Variants in OR1J2 observed in about 807,000 individuals in gnomAD.
The protein encoded by OR1J2 is olfactory receptor 1J2.
For missense variants in OR1J2, 304 were observed against 246.1 expected, an observed-to-expected ratio of 1.24 and a Z score of -1.57; for synonymous variants, 142 against 99.7, an observed-to-expected ratio of 1.42 and a Z score of -2.52.
chr9:122,467,741 A>T, the OR1J2 span, among the ~76,000 whole-genome samples: 4 of 152,228 alleles, frequency 2.6e-5, no homozygotes, highest in African/African-American at 9.6e-5. Flanking sequence ...GAGTACCCTG[A>T]TCCTACCTAC....
chr9:122,557,937 G>T, the OR1J2 span, among the ~76,000 whole-genome samples: 1 of 152,014 alleles, frequency 6.6e-6, no homozygotes, highest in African/African-American at 2.4e-5. Flanking sequence ...GGGTTTTAGT[G>T]GATTGTGGCT....
chr9:122,452,334 T>C, the OR1J2 span, among the ~76,000 whole-genome samples: 2 of 152,152 alleles, frequency 1.3e-5, no homozygotes, highest in Non-Finnish European at 2.9e-5. Flanking sequence ...CTTTCAACTT[T>C]TTGACACTGT....
the OR1J2 span, among the ~76,000 whole-genome samples, chr9:122,525,109 C>T: frequency 9.2e-5 from 14 of 152,228 alleles, no homozygotes; most frequent in South Asian, 2.1e-3. Flanking sequence ...GGTTACATGA[C>T]GATGCCCTGC....
At chr9:122,558,016 T>C in the OR1J2 span, among the ~76,000 whole-genome samples, 1 of 151,944 alleles carries the variant, frequency 6.6e-6, no homozygotes, top group Non-Finnish European at 1.5e-5. Flanking sequence ...TGGTATTCCT[T>C]TATTATCCTT....
the OR1J2 span, among the ~76,000 whole-genome samples, chr9:122,530,702 G>T: frequency 2.6e-5 from 4 of 152,188 alleles, no homozygotes; most frequent in South Asian, 8.3e-4. Context: ...AGTCCGAAAA[G>T]AGAGTCAGCG....
At chr9:122,564,171 A>G in the OR1J2 span, among the ~76,000 whole-genome samples, 1 of 152,104 alleles carries the variant, frequency 6.6e-6, no homozygotes, top group Admixed American at 6.5e-5. Flanking sequence ...GTTGCCCTCT[A>G]GTTAGAGTAG....
At chr9:122,473,947 C>T in the OR1J2 span, among the ~76,000 whole-genome samples, 39,111 of 152,020 alleles carry the variant, frequency 0.26, 5,689 homozygotes, top group African/African-American at 0.39. Flanking sequence ...ATCTATTAGC[C>T]GAGCAAGATG....
At chr9:122,543,302 A>C in the OR1J2 span, among the ~76,000 whole-genome samples, 1 of 152,132 alleles carries the variant, frequency 6.6e-6, no homozygotes, top group Non-Finnish European at 1.5e-5. Context: ...TTCTGGGCTC[A>C]AGCAACCTTC....
the OR1J2 span, among the ~76,000 whole-genome samples, chr9:122,545,181 G>T: frequency 6.6e-6 from 1 of 151,170 alleles, no homozygotes; most frequent in African/African-American, 2.5e-5. Context: ...ATCTTAGTTG[G>T]ATATAATATT....
At chr9:122,547,952 C>G in the OR1J2 span, among the ~76,000 whole-genome samples, 1 of 152,082 alleles carries the variant, frequency 6.6e-6, no homozygotes, top group Non-Finnish European at 1.5e-5. Flanking sequence ...CCACCAACAT[C>G]TATTATTTTT....
chr9:122,544,694 C>T, the OR1J2 span, among the ~76,000 whole-genome samples: 2 of 152,136 alleles, frequency 1.3e-5, no homozygotes, highest in African/African-American at 4.8e-5. Flanking sequence ...AAAATATCCT[C>T]TTCTTATCCT....
At chr9:122,567,704 A>C in the OR1J2 span, 1 of 1,614,068 alleles carries the variant, frequency 6.2e-7, no homozygotes, top group Non-Finnish European at 8.5e-7. Context: ...GTAAATAGAC[A>C]CAGAAGATGC....
chr9:122,518,992 T>G, the OR1J2 span: 1 of 619,476 alleles, frequency 1.6e-6, no homozygotes, highest in African/African-American at 1.8e-5. Context: ...CTTGAAATGA[T>G]TTTTTGTAGG....
the OR1J2 span, among the ~76,000 whole-genome samples, chr9:122,486,489 G>A: frequency 6.6e-6 from 1 of 152,170 alleles, no homozygotes; most frequent in East Asian, 1.9e-4. Flanking sequence ...GAAGTAAATT[G>A]GAGAGTTTAA....
the OR1J2 span, among the ~76,000 whole-genome samples, chr9:122,578,020 C>T: frequency 2.0e-5 from 3 of 152,192 alleles, no homozygotes; most frequent in East Asian, 5.8e-4. Flanking sequence ...AAGGAAAACA[C>T]TTTTACACTG....
At chr9:122,537,276 A>G in the OR1J2 span, among the ~76,000 whole-genome samples, 2 of 152,200 alleles carry the variant, frequency 1.3e-5, no homozygotes, top group South Asian at 4.1e-4. Context: ...TCTGCTATAC[A>G]ATGTCTGGAA....
the OR1J2 span, among the ~76,000 whole-genome samples, chr9:122,462,519 G>C: frequency 3.3e-4 from 51 of 152,300 alleles, no homozygotes; most frequent in African/African-American, 1.2e-3. Context: ...AATAGGTCCT[G>C]TGAGATTTAT....
the OR1J2 span, among the ~76,000 whole-genome samples, chr9:122,478,347 G>A: frequency 0.19 from 28,973 of 152,052 alleles, 3,247 homozygotes; most frequent in East Asian, 0.34. Flanking sequence ...GATTTGGACC[G>A]AAGTATCTTG....
the OR1J2 span, among the ~76,000 whole-genome samples, chr9:122,457,766 A>C: frequency 3.3e-5 from 5 of 152,296 alleles, no homozygotes; most frequent in Admixed American, 6.5e-5. Context: ...TTAGAAAAAA[A>C]CACCAAATAG....
Sources: allele counts gnomAD v4.1 joint callset (sites outside exome capture counted in the v4.1 genomes callset), GRCh38; gene constraint gnomAD v4.1.1; transcripts MANE v1.5; gene names NCBI Gene and HGNC (gene_info 2026-07-23, HGNC 2026-07-21).